Variants in MAD1L1 observed in about 807,000 individuals in gnomAD.
MAD1L1 encodes mitotic spindle assembly checkpoint protein MAD1.
In MAD1L1, 95 loss-of-function variants were observed where a neutral mutation model predicts 96.9. That is an observed-to-expected ratio of 0.98 (90% confidence interval 0.83 to 1.16). The LOEUF (loss-of-function observed/expected upper bound fraction) is 1.16, where lower values mean the gene tolerates loss of function less well. MAD1L1 is among the 50% of genes most tolerant of loss of function. MAD1L1 has a pLI of 0.00. For synonymous variants in MAD1L1, 473 were observed against 396.6 expected, an observed-to-expected ratio of 1.19 and a Z score of -2.29; for missense variants, 1,007 against 954.4, an observed-to-expected ratio of 1.06 and a Z score of -0.73.
intron 11 of MAD1L1, among the ~76,000 whole-genome samples, chr7:2,108,762 C>T (rs1787220916): frequency 6.6e-6 from 1 of 152,218 alleles, no homozygotes. Context: ...ACAAAGGCAG[C>T]AGCCCTGGGG....
intron 18 of MAD1L1, among the ~76,000 whole-genome samples, chr7:1,858,063 G>A (rs1304932639): frequency 6.6e-6 from 1 of 152,238 alleles, no homozygotes; most frequent in African/African-American, 2.4e-5. Context: ...TCTGGAAAAT[G>A]CACGTTTCCA....
chr7:2,042,258 CAT>C (rs1783719136), intron 12 of MAD1L1, among the ~76,000 whole-genome samples: 1 of 150,996 alleles, frequency 6.6e-6, no homozygotes, highest in Non-Finnish European at 1.5e-5. Flanking sequence ...CACAGACACA[CAT>C]ACGCACATGC....
chr7:2,014,382 G>C (rs922145441), intron 13 of MAD1L1, 120 bp downstream of exon 13: 14 of 1,329,576 alleles, frequency 1.1e-5, no homozygotes, highest in Non-Finnish European at 1.4e-5. Context: ...ACAGACACCT[G>C]CCAGCCGGGA....
chr7:1,916,161 G>A (rs1233022715), intron 17 of MAD1L1, among the ~76,000 whole-genome samples: 1 of 152,140 alleles, frequency 6.6e-6, no homozygotes, highest in Non-Finnish European at 1.5e-5. Context: ...GGGAGGGTGT[G>A]GGGCCCCTGG....
chr7:2,197,576 G>A (rs1016526000), intron 10 of MAD1L1, among the ~76,000 whole-genome samples: 33 of 152,206 alleles, frequency 2.2e-4, no homozygotes, highest in African/African-American at 7.5e-4. Context: ...ACACAGGCAC[G>A]ACCAGGACTG....
At chr7:2,168,897 G>A (rs1369966200) in intron 10 of MAD1L1, among the ~76,000 whole-genome samples, 1 of 152,204 alleles carries the variant, frequency 6.6e-6, no homozygotes, top group Non-Finnish European at 1.5e-5. Flanking sequence ...TGAAGCGGGA[G>A]GAACACGCTA....
chr7:1,925,039 C>T (rs62442906), intron 17 of MAD1L1, among the ~76,000 whole-genome samples: 49,114 of 151,728 alleles, frequency 0.32, 8,320 homozygotes, highest in Middle Eastern at 0.41. Flanking sequence ...AAAGAGAAAA[C>T]GGGAATAAAA....
intron 11 of MAD1L1, among the ~76,000 whole-genome samples, chr7:2,074,277 G>C (rs1307674737): frequency 1.3e-5 from 2 of 152,140 alleles, no homozygotes; most frequent in African/African-American, 4.8e-5. Context: ...TCTCACGGCG[G>C]GTGCAGGTAC....
chr7:1,920,482 C>T (rs748788466), intron 17 of MAD1L1, among the ~76,000 whole-genome samples: 2 of 152,140 alleles, frequency 1.3e-5, no homozygotes, highest in Non-Finnish European at 1.5e-5. Flanking sequence ...CAGGAAGACC[C>T]GCTGCACGCT....
intron 5 of MAD1L1, chr7:2,220,972 G>T: frequency 3.7e-6 from 6 of 1,612,508 alleles, no homozygotes; most frequent in Non-Finnish European, 5.1e-6. Flanking sequence ...CAGTTGGCAA[G>T]GAAGAGGCGC....
chr7:1,921,165 A>C (rs73050121), intron 17 of MAD1L1, among the ~76,000 whole-genome samples: 9,920 of 152,248 alleles, frequency 0.065, 479 homozygotes, highest in African/African-American at 0.12. Context: ...GAGACGTGGT[A>C]TCGGTGAGGG....
chr7:1,865,908 C>T (rs765751834), intron 18 of MAD1L1, among the ~76,000 whole-genome samples: 7 of 152,222 alleles, frequency 4.6e-5, no homozygotes, highest in Non-Finnish European at 8.8e-5. Flanking sequence ...ACTGGGCCCT[C>T]GGGGAAGCCC....
chr7:1,898,303 G>A lies in MAD1L1; in HGVS notation c.1895C>T (p.Ala632Val), dbSNP rs773080252. 5 of 1,614,018 alleles carry A rather than the reference G, an allele frequency of 3.1e-6. No individual in the cohort carries two copies. The South Asian group carries it at 5.5e-5, about 18-fold the overall frequency. Residue 632 changes from alanine to valine, a missense_variant, in exon 18 of 19, where the codon GCC (alanine) becomes GTC (valine). Transcript: ENST00000265854. ...FQTKIQEFRK[A>V]CYTLTGYQID... ...CTGGTAGCCGGTGAGCGTGTAGCAG[G>A]CCTTGCGGAACTCCTGGATCTTGGT...
chr7:1,871,873 A>T (rs982268455), intron 18 of MAD1L1, among the ~76,000 whole-genome samples: 1 of 152,142 alleles, frequency 6.6e-6, no homozygotes, highest in South Asian at 2.1e-4. Context: ...CATGGAGGGG[A>T]CAGGGTCTAG....
At chr7:1,847,933 T>C in intron 18 of MAD1L1, 1 of 354,742 alleles carries the variant, frequency 2.8e-6, no homozygotes, top group South Asian at 2.1e-5. Flanking sequence ...CACAGCCGGT[T>C]TCTCCAGGGC....
intron 6 of MAD1L1, 111 bp from the exon 7 acceptor site, chr7:2,218,154 C>T: frequency 1.2e-6 from 1 of 810,018 alleles, no homozygotes; most frequent in Non-Finnish European, 2.1e-6. Flanking sequence ...CATTCCCACC[C>T]CAAGGTTCAG....
chr7:2,138,886 G>C (rs552166849), intron 11 of MAD1L1, among the ~76,000 whole-genome samples: 1 of 152,290 alleles, frequency 6.6e-6, no homozygotes, highest in East Asian at 1.9e-4. Context: ...TTGATGTTGG[G>C]AACTTCTGAA....
chr7:1,951,675 T>TG (rs1779502028), intron 16 of MAD1L1, among the ~76,000 whole-genome samples: 1 of 152,016 alleles, frequency 6.6e-6, no homozygotes, highest in Non-Finnish European at 1.5e-5. Flanking sequence ...CTCGTGTAGG[T>TG]GGAATCACAT....
intron 17 of MAD1L1, among the ~76,000 whole-genome samples, chr7:1,902,894 C>T (rs12671697): frequency 0.057 from 8,450 of 148,838 alleles, 515 homozygotes; most frequent in African/African-American, 0.16. Context: ...TTCCAGGCAG[C>T]GAGGATGCAG....
Sources: allele counts gnomAD v4.1 joint callset (sites outside exome capture counted in the v4.1 genomes callset), GRCh38; gene constraint gnomAD v4.1.1; transcripts MANE v1.5; gene names NCBI Gene and HGNC (gene_info 2026-07-23, HGNC 2026-07-21).